Variants in LARGE1 observed in about 807,000 individuals in gnomAD.
LARGE1 encodes the protein LARGE xylosyl- and glucuronyltransferase 1, also known as xylosyl- and glucuronyltransferase LARGE1.
A neutral mutation model predicts 87.6 loss-of-function variants in LARGE1; 43 were observed. The observed-to-expected ratio is 0.49, with a 90% confidence interval of 0.38 to 0.63. The LOEUF (loss-of-function observed/expected upper bound fraction) is 0.63, where lower values mean the gene tolerates loss of function less well. Among genes scored for constraint, LARGE1 ranks in the 30% least tolerant of loss-of-function variants. The probability of loss-of-function intolerance (pLI) is 0.00; values close to 1 mark genes in which losing one functional copy is unlikely to be tolerated. For synonymous variants in LARGE1, 434 were observed against 394.6 expected (o/e 1.10, Z -1.18); for missense variants, 802 against 1,000.2 (o/e 0.80, Z 2.67).
At chr22:33,729,985 CGTGT>C (rs764174820) in intron 2 of LARGE1, among the ~76,000 whole-genome samples, 12 of 151,604 alleles carry the variant, frequency 7.9e-5, no homozygotes, top group East Asian at 1.9e-4. Flanking sequence ...TGTGTGCATG[CGTGT>C]GTGTGTGCGT....
chr22:33,237,192 T>C (rs1174587780), intron 11 of LARGE1, among the ~76,000 whole-genome samples: 1 of 152,204 alleles, frequency 6.6e-6, no homozygotes, highest in East Asian at 1.9e-4. Flanking sequence ...GGAAACTTGC[T>C]ATCCGTCCAG....
At chr22:33,091,669 A>G in the LARGE1 span, among the ~76,000 whole-genome samples, 1 of 152,256 alleles carries the variant, frequency 6.6e-6, no homozygotes, top group Non-Finnish European at 1.5e-5. Context: ...CTTTGAAGTC[A>G]GATAGACATG....
At chr22:33,699,311 A>C (rs900385163) in intron 2 of LARGE1, among the ~76,000 whole-genome samples, 2 of 152,344 alleles carry the variant, frequency 1.3e-5, no homozygotes, top group African/African-American at 4.8e-5. Context: ...TGGGTGTCAC[A>C]GGCTTCAGTG....
intron 6 of LARGE1, among the ~76,000 whole-genome samples, chr22:33,513,901 G>C (rs1246439767): frequency 6.6e-6 from 1 of 150,974 alleles, no homozygotes; most frequent in Non-Finnish European, 1.5e-5. Flanking sequence ...ATAGTGTTGT[G>C]GTCCCATAAG....
At chr22:33,585,238 C>T (rs939101173) in intron 5 of LARGE1, among the ~76,000 whole-genome samples, 1 of 152,184 alleles carries the variant, frequency 6.6e-6, no homozygotes. Flanking sequence ...CTTCTCACAG[C>T]AAACCTACAA....
intron 1 of LARGE1, among the ~76,000 whole-genome samples, chr22:33,812,776 T>C (rs1043138543): frequency 2.0e-5 from 3 of 152,192 alleles, no homozygotes; most frequent in African/African-American, 7.2e-5. Flanking sequence ...CTTCACAGTT[T>C]ATTTGCTCAT....
At chr22:33,417,835 T>C (rs895044976) in intron 7 of LARGE1, among the ~76,000 whole-genome samples, 1 of 152,252 alleles carries the variant, frequency 6.6e-6, no homozygotes, top group Non-Finnish European at 1.5e-5. Flanking sequence ...CAACTCCTTG[T>C]CCTATTGTTT....
At chr22:33,240,462 G>C (rs1926460013) in intron 11 of LARGE1, among the ~76,000 whole-genome samples, 1 of 152,002 alleles carries the variant, frequency 6.6e-6, no homozygotes, top group South Asian at 2.1e-4. Context: ...AATTGACTTG[G>C]TGCCTTGGCC....
chr22:33,508,690 T>A (rs2267221), intron 6 of LARGE1, among the ~76,000 whole-genome samples: 67,423 of 152,022 alleles, frequency 0.44, 16,005 homozygotes, highest in Admixed American at 0.53. Context: ...AAAGGTTGAT[T>A]GGCAACTTTA....
chr22:33,676,151 C>T (rs1473351947), intron 2 of LARGE1, among the ~76,000 whole-genome samples: 1 of 151,822 alleles, frequency 6.6e-6, no homozygotes, highest in Admixed American at 6.6e-5. Context: ...GTGGCTTATG[C>T]AGATTCACTG....
At chr22:33,372,656 A>G (rs955126850) in intron 9 of LARGE1, among the ~76,000 whole-genome samples, 1 of 152,192 alleles carries the variant, frequency 6.6e-6, no homozygotes, top group Admixed American at 6.5e-5. Context: ...TCCCTCCCAC[A>G]ACATGTGTTA....
chr22:33,869,496 C>T (rs1488876364), intron 1 of LARGE1, among the ~76,000 whole-genome samples: 1 of 152,168 alleles, frequency 6.6e-6, no homozygotes, highest in African/African-American at 2.4e-5. Context: ...TGGCTTCCCA[C>T]CTCCATGGGA....
At chr22:33,684,417 C>A (rs954673554) in intron 2 of LARGE1, among the ~76,000 whole-genome samples, 5 of 152,096 alleles carry the variant, frequency 3.3e-5, no homozygotes, top group Non-Finnish European at 5.9e-5. Flanking sequence ...AGGCCCTGAT[C>A]TGCCCCCGAG....
intron 5 of LARGE1, among the ~76,000 whole-genome samples, chr22:33,584,456 T>C (rs1356225952): frequency 1.3e-5 from 2 of 152,202 alleles, no homozygotes; most frequent in Non-Finnish European, 2.9e-5. Context: ...ACTACACTCT[T>C]CCCTATTTCA....
At chr22:33,749,153 T>C (rs1337678177) in intron 2 of LARGE1, among the ~76,000 whole-genome samples, 1 of 152,230 alleles carries the variant, frequency 6.6e-6, no homozygotes, top group Non-Finnish European at 1.5e-5. Flanking sequence ...TCGCTCTTGT[T>C]GCCCAGGCTG....
At chr22:33,310,005 A>G (rs1179474125) in intron 11 of LARGE1, among the ~76,000 whole-genome samples, 1 of 152,170 alleles carries the variant, frequency 6.6e-6, no homozygotes, top group African/African-American at 2.4e-5. Context: ...AGAAAAAATT[A>G]CCTTTCACTC....
At chr22:33,105,241 CCA>C in the LARGE1 span, 1 of 151,870 alleles carries the variant, frequency 6.6e-6, no homozygotes, top group African/African-American at 2.4e-5. Flanking sequence ...ACCTCATGAC[CCA>C]CCCGCCTCAG....
intron 9 of LARGE1, among the ~76,000 whole-genome samples, chr22:33,366,422 C>T (rs1009343577): frequency 2.0e-5 from 3 of 152,244 alleles, no homozygotes; most frequent in East Asian, 1.9e-4. Context: ...AAATAACTTT[C>T]CTTCATCTGT....
At chr22:33,690,360 T>C (rs1409961691) in intron 2 of LARGE1, among the ~76,000 whole-genome samples, 1 of 152,146 alleles carries the variant, frequency 6.6e-6, no homozygotes, top group Non-Finnish European at 1.5e-5. Context: ...ACTAACTAAG[T>C]ATACCCATGA....
Sources: gnomAD v4.1 joint callset for allele counts (sites outside exome capture counted in the v4.1 genomes callset) on GRCh38, gnomAD v4.1.1 for gene constraint, MANE v1.5 for transcripts, NCBI Gene and HGNC (gene_info 2026-07-23, HGNC 2026-07-21) for gene names.